Variants in RHCE observed in about 807,000 individuals in gnomAD.
RHCE encodes Rh blood group CcEe antigens, also known as blood group Rh(CE) polypeptide.
In RHCE, 22 loss-of-function variants were observed where a neutral mutation model predicts 43.8. That is an observed-to-expected ratio of 0.50 (90% CI 0.36 to 0.72). The LOEUF is 0.72. Ranked by LOEUF, RHCE falls within the 30% of genes least tolerant of loss-of-function variation. The pLI, the probability that RHCE is intolerant of heterozygous loss-of-function variation, is 0.00. For missense variants in RHCE, 385 were observed against 525.4 expected, an observed-to-expected ratio of 0.73 and a Z score of 2.61; for synonymous variants, 156 against 210.7, an observed-to-expected ratio of 0.74 and a Z score of 2.25.
chr1:25,380,899 C>A (rs1451568799), intron 7 of RHCE, among the ~76,000 whole-genome samples: 1 of 128,942 alleles, frequency 7.8e-6, no homozygotes, highest in Non-Finnish European at 1.6e-5. Context: ...TTCTTTCTTC[C>A]TTTTTTTTTT....
chr1:25,420,521 G>A, intron 1 of RHCE, 118 bp downstream of exon 1: 1 of 1,597,124 alleles, frequency 6.3e-7, no homozygotes, highest in Non-Finnish European at 8.6e-7. Context: ...GAAGATGGGG[G>A]AATCTTTTCC....
Position 25,407,529 on chromosome 1 carries a change from G to A in RHCE, c.335+1154C>T, listed in dbSNP as rs1383848554. 4.9e-5 allele frequency among the ~76,000 whole-genome samples: 6 copies of A among 123,212 alleles called. 1 individual carries two copies. The highest frequency in any genetic ancestry group is 1.8e-4 in the Admixed American group (2 of 11,386). The allele number at this position is 123,212 out of a possible 152,430, so 80.8% of individuals were successfully genotyped here. On this transcript the variant is annotated intron_variant, in intron 2 of 9. Transcript: ENST00000294413. ...GAGAAATGTTTAACAGCAGTGCCCA[G>A]AGGTTTAGCAGGGTCTTAGAAGGGG... is the stretch of plus-strand genomic sequence containing the variant.
At chr1:25,424,011 T>C (rs747980980), upstream of RHCE, among the ~76,000 whole-genome samples, 1 of 152,202 alleles carries the variant, frequency 6.6e-6, no homozygotes, top group African/African-American at 2.4e-5. Flanking sequence ...GCAACACACA[T>C]GCAGTGGAAG....
rs781646339 is a variant in RHCE, at chr1:25,385,832, G to A, written c.952C>T (p.Arg318Ter). Residue 318 changes from arginine (R) to a stop codon, truncating the protein, a stop_gained, in exon 7 of 10, where the codon CGA becomes TGA. Coordinates refer to ENST00000294413, the MANE Select transcript of RHCE (RefSeq NM_020485.8). LOFTEE classifies it high-confidence loss of function. ...GAKCLPVCCN[R>*]VLGIHHISVM... is the part of the protein sequence containing the mutation. Reference sequence around the variant, plus strand: ...GAGATGTGGTGAATCCCCAGCACTCGGTTACAACACACCTGTGGACAAGTG... The same window carrying A: ...GAGATGTGGTGAATCCCCAGCACTCAGTTACAACACACCTGTGGACAAGTG... 22 of 1,614,000 alleles carry A rather than the reference G, an allele frequency of 1.4e-5. No individual in the cohort carries two copies. Among genetic ancestry groups the A allele is most frequent in the South Asian group, 3.3e-5 (3 of 91,080 alleles).
intron 1 of RHCE, among the ~76,000 whole-genome samples, chr1:25,417,772 A>G (rs374233124): frequency 6.6e-6 from 1 of 152,252 alleles, no homozygotes; most frequent in East Asian, 1.9e-4. Flanking sequence ...ACCATGGTAC[A>G]TGCTCAAAAA....
intron 3 of RHCE, among the ~76,000 whole-genome samples, chr1:25,399,543 T>C (rs1054371583): frequency 2.0e-5 from 3 of 152,130 alleles, no homozygotes; most frequent in Non-Finnish European, 2.9e-5. Flanking sequence ...TAGCATATGA[T>C]CAAACTTCCA....
chr1:25,385,943 G>T, intron 6 of RHCE, 99 bp from the exon 7 acceptor site: 2 of 1,571,828 alleles, frequency 1.3e-6, no homozygotes, highest in Admixed American at 1.7e-5. Flanking sequence ...ACCAAATGGG[G>T]ATGGGCACTA....
At chr1:25,379,483 ATATATATATATATTTTTTTTT>A (rs1365939068) in intron 7 of RHCE, among the ~76,000 whole-genome samples, 41 of 19,400 alleles carry the variant, frequency 2.1e-3, no homozygotes, top group African/African-American at 3.7e-3. Context: ...ATATATATAT[ATATATATATATATTTTTTTTT>A]TTTTTTTTTT....
At chr1:25,368,999 G>T (rs368672404) in intron 9 of RHCE, among the ~76,000 whole-genome samples, 30 of 151,860 alleles carry the variant, frequency 2.0e-4, no homozygotes, top group African/African-American at 7.3e-4. Context: ...GACCTCAAGT[G>T]ATCCACCCGC....
At chr1:25,404,556 TA>T (rs1300104638) in intron 2 of RHCE, among the ~76,000 whole-genome samples, 3 of 150,590 alleles carry the variant, frequency 2.0e-5, no homozygotes, top group African/African-American at 7.4e-5. Flanking sequence ...GACAAAGGCT[TA>T]ACTCAGGAGC....
At chr1:25,427,185 C>T (rs943480817) in intron 2 of RHCE, among the ~76,000 whole-genome samples, 4 of 152,128 alleles carry the variant, frequency 2.6e-5, no homozygotes, top group African/African-American at 7.2e-5. Context: ...AGTGGGCTTG[C>T]GGGGATTGAA....
At chr1:25,387,845 G>C (rs1243563481) in intron 6 of RHCE, among the ~76,000 whole-genome samples, 1 of 150,782 alleles carries the variant, frequency 6.6e-6, no homozygotes, top group Non-Finnish European at 1.5e-5. Context: ...TTTTAAGACA[G>C]AGTCTTGTTC....
chr1:25,390,937 T>G, intron 4 of RHCE, 22 bp from the exon 5 acceptor site: 1 of 1,614,048 alleles, frequency 6.2e-7, no homozygotes, highest in South Asian at 1.1e-5. Flanking sequence ...AGAGGGTGGT[T>G]GGCCAGAATC....
Sources: gnomAD v4.1 joint callset for allele counts (sites outside exome capture counted in the v4.1 genomes callset) on GRCh38, gnomAD v4.1.1 for gene constraint, MANE v1.5 for transcripts, NCBI Gene and HGNC (gene_info 2026-07-23, HGNC 2026-07-21) for gene names.